ROBO1: variants seen among roughly 807,000 people sequenced by gnomAD.
ROBO1 encodes the protein roundabout guidance receptor 1.
In ROBO1, 149 loss-of-function variants were observed where a neutral mutation model predicts 195.9. The ratio of observed to expected loss-of-function variants is 0.76; its 90% CI spans 0.67 to 0.87. The LOEUF is 0.87. Ranked by LOEUF, ROBO1 falls within the 40% of genes least tolerant of loss-of-function variation. ROBO1 has a pLI of 0.00. For synonymous variants in ROBO1, 816 were observed against 733.2 expected, an observed-to-expected ratio of 1.11 and a Z score of -1.82; for missense variants, 1,933 against 2,068.3, an observed-to-expected ratio of 0.93 and a Z score of 1.27.
At chr3:78,635,528 T>C (rs1323971883) in intron 23 of ROBO1, among the ~76,000 whole-genome samples, 9 of 152,152 alleles carry the variant, frequency 5.9e-5, no homozygotes, top group Admixed American at 5.9e-4. Flanking sequence ...TCACCTGCTA[T>C]TAAATTTAAA....
intron 2 of ROBO1, among the ~76,000 whole-genome samples, chr3:79,304,587 C>T (rs1446173212): frequency 1.3e-5 from 2 of 152,158 alleles, no homozygotes; most frequent in African/African-American, 4.8e-5. Flanking sequence ...TTTACATTTC[C>T]TAGAATGTCA....
intron 1 of ROBO1, among the ~76,000 whole-genome samples, chr3:79,645,878 T>C (rs1945807663): frequency 6.6e-6 from 1 of 152,012 alleles, no homozygotes; most frequent in South Asian, 2.1e-4. Context: ...TATAACCACA[T>C]TCAGAAGAAT....
intron 1 of ROBO1, among the ~76,000 whole-genome samples, chr3:79,757,526 A>T (rs1263098592): frequency 4.5e-5 from 6 of 132,548 alleles, no homozygotes; most frequent in Non-Finnish European, 9.6e-5. Context: ...TATATATGCC[A>T]TCCTAGGCTG....
chr3:79,288,499 T>A (rs186035628), intron 2 of ROBO1, among the ~76,000 whole-genome samples: 7 of 152,342 alleles, frequency 4.6e-5, no homozygotes, highest in Admixed American at 4.6e-4. Context: ...TGTGCATGTG[T>A]GTTGCTGTGT....
intron 4 of ROBO1, among the ~76,000 whole-genome samples, chr3:78,931,870 G>A (rs941738945): frequency 1.3e-5 from 2 of 151,972 alleles, no homozygotes; most frequent in Non-Finnish European, 2.9e-5. Context: ...CAGCTACTCA[G>A]AAGTCTGAGT....
At chr3:78,866,508 C>T (rs545270528) in intron 4 of ROBO1, among the ~76,000 whole-genome samples, 1 of 152,204 alleles carries the variant, frequency 6.6e-6, no homozygotes, top group African/African-American at 2.4e-5. Context: ...CCCTCCCATG[C>T]CATTTCCTTG....
intron 1 of ROBO1, among the ~76,000 whole-genome samples, chr3:79,725,708 G>A (rs1490756536): frequency 6.6e-6 from 1 of 151,960 alleles, no homozygotes; most frequent in Admixed American, 6.6e-5. Context: ...TAGAATACAC[G>A]TCTCACAGTT....
intron 1 of ROBO1, among the ~76,000 whole-genome samples, chr3:79,668,556 T>G (rs1281086530): frequency 1.3e-5 from 2 of 151,714 alleles, no homozygotes; most frequent in Non-Finnish European, 2.9e-5. Context: ...ATTCCTTGCA[T>G]CAGAGGATAA....
At chr3:78,963,664 G>A (rs751759260) in intron 3 of ROBO1, among the ~76,000 whole-genome samples, 5 of 151,548 alleles carry the variant, frequency 3.3e-5, no homozygotes, top group East Asian at 3.9e-4. Flanking sequence ...GACTTCAGGC[G>A]CCGCCACCAC....
At chr3:79,002,746 G>T (rs1052048824) in intron 3 of ROBO1, among the ~76,000 whole-genome samples, 5 of 152,058 alleles carry the variant, frequency 3.3e-5, no homozygotes, top group African/African-American at 1.2e-4. Flanking sequence ...TTTCTTGAGG[G>T]TGTAACTTAA....
intron 4 of ROBO1, among the ~76,000 whole-genome samples, chr3:78,782,986 G>GAACAATCACATT (rs1162323766): frequency 6.6e-6 from 1 of 152,132 alleles, no homozygotes; most frequent in Admixed American, 6.5e-5. Flanking sequence ...CAATCATATA[G>GAACAATCACATT]GCACTGTGAA....
chr3:79,640,316 A>T (rs2106658855), intron 1 of ROBO1, among the ~76,000 whole-genome samples: 1 of 45,606 alleles, frequency 2.2e-5, no homozygotes, highest in African/African-American at 9.7e-5. Flanking sequence ...TTTAAAAATT[A>T]AAAATTTTCC....
At position 79,300,524 on chromosome 3, in the gene ROBO1, G is replaced by A. The variant is rs372210916; in HGVS notation, c.89-174985C>T. Among the ~76,000 whole-genome samples the A allele has an allele frequency of 2.2e-3, 336 of 152,310 alleles. 1 individual carries two copies. The highest frequency in any genetic ancestry group is 7.0e-3 in the African/African-American group (292 of 41,580). ...CCACCCCCTCCGTGGGCTCCTGTGCGGCCCCAGCCTCCCCACTGAGCGCTG... is the reference window on the plus strand; with the variant it reads ...CCACCCCCTCCGTGGGCTCCTGTGCAGCCCCAGCCTCCCCACTGAGCGCTG... On this transcript the variant is annotated intron_variant, in intron 2 of 30. Transcript: ENST00000464233.
chr3:79,124,206 C>T (rs937009092), intron 3 of ROBO1, among the ~76,000 whole-genome samples: 3 of 152,018 alleles, frequency 2.0e-5, no homozygotes, highest in Non-Finnish European at 4.4e-5. Context: ...CCTCACCATC[C>T]CACCCCCATA....
At chr3:79,072,121 C>T (rs1368878701) in intron 3 of ROBO1, among the ~76,000 whole-genome samples, 1 of 151,516 alleles carries the variant, frequency 6.6e-6, no homozygotes, top group African/African-American at 2.4e-5. Flanking sequence ...TAGAAATGGC[C>T]TGATTTTTCA....
At chr3:79,007,153 C>T (rs1236048680) in intron 3 of ROBO1, among the ~76,000 whole-genome samples, 1 of 151,936 alleles carries the variant, frequency 6.6e-6, no homozygotes, top group Non-Finnish European at 1.5e-5. Context: ...CATCTTGTGC[C>T]TGAAGAATAA....
intron 1 of ROBO1, among the ~76,000 whole-genome samples, chr3:79,720,978 A>G (rs916010309): frequency 2.0e-5 from 3 of 151,834 alleles, no homozygotes; most frequent in Admixed American, 2.0e-4. Context: ...ATTTTTAGTA[A>G]AGACAGGTTT....
At chr3:79,459,158 G>T (rs899912412) in intron 2 of ROBO1, among the ~76,000 whole-genome samples, 2 of 151,326 alleles carry the variant, frequency 1.3e-5, no homozygotes, top group African/African-American at 4.8e-5. Context: ...TGTATACCTT[G>T]CTTACAATAA....
intron 5 of ROBO1, among the ~76,000 whole-genome samples, chr3:78,741,840 A>G (rs1293389625): frequency 6.6e-6 from 1 of 152,198 alleles, no homozygotes; most frequent in African/African-American, 2.4e-5. Context: ...TAGAAAAGAA[A>G]GAACACTAGA....
Sources: allele counts gnomAD v4.1 joint callset (sites outside exome capture counted in the v4.1 genomes callset), GRCh38; gene constraint gnomAD v4.1.1; transcripts MANE v1.5; gene names NCBI Gene and HGNC (gene_info 2026-07-23, HGNC 2026-07-21).